Variants in NPSR1 observed in about 807,000 individuals in gnomAD.
NPSR1 encodes neuropeptide S receptor.
NPSR1 carries 48 observed loss-of-function variants against 46.9 expected under a neutral mutation model. The ratio of observed to expected loss-of-function variants is 1.02; its 90% CI spans 0.81 to 1.30. The LOEUF is 1.30. Ranked by LOEUF, NPSR1 falls within the 50% of genes most tolerant of loss-of-function variation. NPSR1 has a pLI of 0.00. For synonymous variants in NPSR1, 176 were observed against 168.1 expected (o/e 1.05, Z -0.36); for missense variants, 450 against 449.5 (o/e 1.00, Z -0.01).
intron 3 of NPSR1, among the ~76,000 whole-genome samples, chr7:34,811,449 G>T (rs527314943): frequency 7.9e-5 from 12 of 152,058 alleles, no homozygotes; most frequent in Non-Finnish European, 1.5e-4. Flanking sequence ...GGGATTTGGG[G>T]TTTATATGGG....
chr7:34,778,789 G>A (rs967963164), intron 3 of NPSR1, among the ~76,000 whole-genome samples: 2 of 152,086 alleles, frequency 1.3e-5, no homozygotes, highest in African/African-American at 4.8e-5. Context: ...CAATGCTAAG[G>A]ACATAAAGCA....
At chr7:34,819,309 G>A (rs1358811658) in intron 4 of NPSR1, among the ~76,000 whole-genome samples, 6 of 152,146 alleles carry the variant, frequency 3.9e-5, no homozygotes, top group Non-Finnish European at 7.4e-5. Flanking sequence ...ACAGACACAT[G>A]AAAAAATGCT....
At chr7:34,723,662 T>G (rs960556998) in intron 2 of NPSR1, among the ~76,000 whole-genome samples, 3 of 152,148 alleles carry the variant, frequency 2.0e-5, no homozygotes, top group Non-Finnish European at 4.4e-5. Context: ...AAGAATTCTT[T>G]TGCACTTGAT....
At chr7:34,792,701 G>GTA (rs201324666) in intron 3 of NPSR1, among the ~76,000 whole-genome samples, 1,659 of 72,190 alleles carry the variant, frequency 0.023, 169 homozygotes, top group East Asian at 0.14. Flanking sequence ...ATATATATAC[G>GTA]TATATATATA....
intron 4 of NPSR1, among the ~76,000 whole-genome samples, chr7:34,815,021 C>T (rs1051293868): frequency 1.3e-5 from 2 of 152,202 alleles, no homozygotes; most frequent in Non-Finnish European, 2.9e-5. Context: ...CTCCAAAGGA[C>T]TGCAACTCCC....
intron 3 of NPSR1, chr7:34,779,649 C>G (rs1787140734): frequency 2.7e-6 from 3 of 1,093,364 alleles, no homozygotes; most frequent in South Asian, 3.9e-5. Context: ...TCTGAAAGAG[C>G]CTTTTCTATT....
chr7:34,788,372 A>G (rs1787563871), intron 3 of NPSR1, among the ~76,000 whole-genome samples: 1 of 152,044 alleles, frequency 6.6e-6, no homozygotes, highest in Admixed American at 6.6e-5. Context: ...CACAAAGCAG[A>G]AAGAGTGGAA....
intron 1 of NPSR1, among the ~76,000 whole-genome samples, chr7:34,675,121 T>A (rs1028175716): frequency 5.9e-5 from 9 of 152,188 alleles, no homozygotes; most frequent in African/African-American, 2.2e-4. Flanking sequence ...TCCTTACCTA[T>A]AAGATTGAGG....
chr7:34,698,284 T>C (rs958164886), intron 2 of NPSR1, among the ~76,000 whole-genome samples: 1 of 152,206 alleles, frequency 6.6e-6, no homozygotes, highest in African/African-American at 2.4e-5. Context: ...CCAAATTATA[T>C]ACTTATGATT....
At chr7:34,847,335 C>A (rs999678636) in intron 7 of NPSR1, among the ~76,000 whole-genome samples, 1 of 151,802 alleles carries the variant, frequency 6.6e-6, no homozygotes, top group South Asian at 2.1e-4. Flanking sequence ...ATGAGAGATG[C>A]GTGTATTTCC....
At chr7:34,693,498 T>C (rs1793367249) in intron 2 of NPSR1, among the ~76,000 whole-genome samples, 1 of 151,966 alleles carries the variant, frequency 6.6e-6, no homozygotes, top group Admixed American at 6.6e-5. Flanking sequence ...ACATCAGTAA[T>C]AAAAAATCTT....
intron 2 of NPSR1, among the ~76,000 whole-genome samples, chr7:34,718,439 C>T (rs324373): frequency 0.55 from 83,913 of 151,980 alleles, 23,486 homozygotes; most frequent in African/African-American, 0.61. Flanking sequence ...GCAGATCCCC[C>T]GAAGGGGTCC....
intron 1 of NPSR1, among the ~76,000 whole-genome samples, chr7:34,670,536 T>C (rs60891964): frequency 6.6e-6 from 1 of 151,316 alleles, no homozygotes; most frequent in Non-Finnish European, 1.5e-5. Flanking sequence ...AAAACAAAAA[T>C]TTAAAGGGAA....
intron 3 of NPSR1, among the ~76,000 whole-genome samples, chr7:34,792,442 T>C (rs1215637622): frequency 1.4e-5 from 2 of 147,020 alleles, no homozygotes; most frequent in African/African-American, 2.5e-5. Context: ...GGTGAATGGA[T>C]TGAGCGCAGG....
intron 2 of NPSR1, among the ~76,000 whole-genome samples, chr7:34,775,643 AG>A (rs1377344338): frequency 6.6e-6 from 1 of 152,072 alleles, no homozygotes; most frequent in African/African-American, 2.4e-5. Context: ...GTCTGGCTAA[AG>A]GTTTGTCAAT....
chr7:34,721,907 T>C (rs999183081), intron 2 of NPSR1, among the ~76,000 whole-genome samples: 1 of 152,156 alleles, frequency 6.6e-6, no homozygotes, highest in Non-Finnish European at 1.5e-5. Flanking sequence ...TATTAAAATA[T>C]AGATAAGCAT....
intron 2 of NPSR1, among the ~76,000 whole-genome samples, chr7:34,714,536 A>G (rs1283917052): frequency 6.6e-6 from 1 of 152,222 alleles, no homozygotes; most frequent in African/African-American, 2.4e-5. Context: ...TCTCCTGTAG[A>G]AGGACTTTCA....
chr7:34,771,831 G>A (rs570517268), intron 2 of NPSR1, among the ~76,000 whole-genome samples: 1 of 152,260 alleles, frequency 6.6e-6, no homozygotes, highest in Admixed American at 6.5e-5. Flanking sequence ...TTTGTTGTGA[G>A]ATTAAACAAG....
chr7:34,834,225 C>G, intron 5 of NPSR1, 159 bp from the exon 6 acceptor site: 1 of 622,336 alleles, frequency 1.6e-6, no homozygotes, highest in Non-Finnish European at 2.9e-6. Flanking sequence ...TGGTCACTTT[C>G]AGTTGCAATT....
Sources: gnomAD v4.1 joint callset for allele counts (sites outside exome capture counted in the v4.1 genomes callset) on GRCh38, gnomAD v4.1.1 for gene constraint, MANE v1.5 for transcripts, NCBI Gene and HGNC (gene_info 2026-07-23, HGNC 2026-07-21) for gene names.